The following HECW1 variants were observed in gnomAD, a reference collection of about 807,000 sequenced individuals.
The protein encoded by HECW1 is E3 ubiquitin-protein ligase HECW1.
Under a neutral mutation model 182.3 loss-of-function variants are expected in HECW1, and 61 were observed. The ratio of observed to expected loss-of-function variants is 0.33; its 90% CI spans 0.27 to 0.41. The LOEUF is 0.41. HECW1 is among the 10% of genes least tolerant of loss of function. The pLI, the probability that HECW1 is intolerant of heterozygous loss-of-function variation, is 1.00. For missense variants in HECW1, 1,739 were observed against 2,108.9 expected, an observed-to-expected ratio of 0.82 and a Z score of 3.44; for synonymous variants, 859 against 832.6, an observed-to-expected ratio of 1.03 and a Z score of -0.55.
intron 24 of HECW1, among the ~76,000 whole-genome samples, chr7:43,510,662 A>G (rs552085417): frequency 8.5e-5 from 13 of 152,268 alleles, no homozygotes; most frequent in African/African-American, 3.1e-4. Context: ...TTCAATCACA[A>G]GGGAAAAATA....
At chr7:43,144,113 G>A (rs140876647) in intron 2 of HECW1, among the ~76,000 whole-genome samples, 4 of 152,262 alleles carry the variant, frequency 2.6e-5, no homozygotes, top group African/African-American at 9.6e-5. Context: ...AGAGTTTCTC[G>A]GACGTTCCTT....
intron 9 of HECW1, among the ~76,000 whole-genome samples, chr7:43,442,119 T>G (rs1005025784): frequency 1.3e-5 from 2 of 152,268 alleles, no homozygotes; most frequent in Admixed American, 1.3e-4. Flanking sequence ...GATACTGTAC[T>G]CTACAGTAGA....
chr7:43,233,271 A>C (rs1798037393), intron 2 of HECW1, among the ~76,000 whole-genome samples: 1 of 152,208 alleles, frequency 6.6e-6, no homozygotes, highest in Non-Finnish European at 1.5e-5. Flanking sequence ...TCCTATCACC[A>C]ACTAACATAA....
chr7:43,300,768 G>A (rs1013925748), intron 3 of HECW1, among the ~76,000 whole-genome samples: 3 of 152,100 alleles, frequency 2.0e-5, no homozygotes, highest in Admixed American at 6.5e-5. Context: ...CCCAATGACT[G>A]GCACACTTAT....
rs552538116 is a variant in HECW1, at chr7:43,508,514, C to A, written c.3866+383C>A. 2.6e-5 allele frequency among the ~76,000 whole-genome samples: 4 copies of A among 152,312 alleles called. No individual in the cohort carries two copies. In the East Asian group the frequency reaches 7.7e-4, roughly 29 times the overall value. On this transcript the variant is annotated intron_variant, in intron 23 of 29. Transcript: ENST00000395891. ...GTGATTTCATGGGAAACCACCTCAA[C>A]CATGAAGGGCAAGCCCATGTAGGAA...
intron 2 of HECW1, among the ~76,000 whole-genome samples, chr7:43,213,565 C>A (rs1342694075): frequency 2.0e-5 from 3 of 151,516 alleles, no homozygotes; most frequent in Admixed American, 2.0e-4. Context: ...CCTGCCTCAG[C>A]CTCCTGAGTA....
chr7:43,392,472 T>C (rs2075071638), intron 6 of HECW1, among the ~76,000 whole-genome samples: 1 of 152,214 alleles, frequency 6.6e-6, no homozygotes. Flanking sequence ...ACCTTCCAAA[T>C]ACATGCTCAT....
intron 2 of HECW1, among the ~76,000 whole-genome samples, chr7:43,185,248 T>C (rs1793281431): frequency 6.6e-6 from 1 of 152,188 alleles, no homozygotes; most frequent in African/African-American, 2.4e-5. Context: ...CCACTCCCCA[T>C]GCCCCAGAGC....
intron 2 of HECW1, among the ~76,000 whole-genome samples, chr7:43,155,107 C>G (rs544245603): frequency 6.6e-6 from 1 of 152,314 alleles, no homozygotes; most frequent in East Asian, 1.9e-4. Flanking sequence ...GGAACATCCT[C>G]AAGTGGCTGG....
chr7:43,336,056 C>T (rs1213167950), intron 5 of HECW1, among the ~76,000 whole-genome samples: 1 of 128,580 alleles, frequency 7.8e-6, no homozygotes, highest in Non-Finnish European at 1.8e-5. Flanking sequence ...TTCCTTCCTT[C>T]CTCTCTCTTT....
intron 2 of HECW1, among the ~76,000 whole-genome samples, chr7:43,193,221 C>T (rs1739328324): frequency 6.6e-6 from 1 of 152,158 alleles, no homozygotes; most frequent in African/African-American, 2.4e-5. Context: ...GCATTTGTAG[C>T]CATCTTGGTT....
At chr7:43,557,252 AC>A (rs2082059019) in intron 29 of HECW1, among the ~76,000 whole-genome samples, 1 of 152,176 alleles carries the variant, frequency 6.6e-6, no homozygotes, top group African/African-American at 2.4e-5. Flanking sequence ...ACTGTGAGCC[AC>A]AGTGCATGTG....
Position 43,561,976 on chromosome 7 carries a change from C to T in HECW1, c.*50C>T. The T allele has an allele frequency of 1.9e-6, 2 of 1,032,020 alleles. No individual in the cohort carries two copies. Among genetic ancestry groups the T allele is most frequent in the Non-Finnish European group, 3.1e-6 (2 of 654,064 alleles). The allele number at this position is 1,032,020 out of a possible 1,614,324, so 63.9% of individuals were successfully genotyped here. On this transcript the variant is annotated 3_prime_UTR_variant, in exon 30 of 30. Transcript: ENST00000395891. ...TTCCTGGCCAGTGACATCACCCTTC[C>T]TGGGATGATCCCCTTTTCCCTTTCC...
chr7:43,525,747 G>T lies in HECW1; in HGVS notation c.4020-15416G>T, dbSNP rs200204580. On this transcript the variant is annotated intron_variant, in intron 24 of 29. Coordinates refer to ENST00000395891, the MANE Select transcript of HECW1 (RefSeq NM_015052.5). Reference sequence around the variant, plus strand: ...AGGAATATCATTGTGAACGATAAATGGGAATCACTATAGACCTCTAGGGAA... The same window carrying T: ...AGGAATATCATTGTGAACGATAAATTGGAATCACTATAGACCTCTAGGGAA... Among the ~76,000 whole-genome samples, 5 of 152,284 alleles carry T rather than the reference G, an allele frequency of 3.3e-5. No homozygotes were observed. The East Asian group carries it at 9.6e-4, about 29-fold the overall frequency.
At chr7:43,455,492 C>T (rs1434795353) in intron 12 of HECW1, among the ~76,000 whole-genome samples, 1 of 152,182 alleles carries the variant, frequency 6.6e-6, no homozygotes, top group Non-Finnish European at 1.5e-5. Context: ...CTCCACTGAA[C>T]CTAATCGCCC....
At chr7:43,140,070 A>T (rs547136530) in intron 2 of HECW1, among the ~76,000 whole-genome samples, 17 of 152,252 alleles carry the variant, frequency 1.1e-4, no homozygotes, top group Admixed American at 7.8e-4. Flanking sequence ...TTGTTTTGTC[A>T]TCTTTTTATT....
intron 5 of HECW1, among the ~76,000 whole-genome samples, chr7:43,351,358 G>A (rs1814418435): frequency 6.6e-6 from 1 of 152,166 alleles, no homozygotes; most frequent in African/African-American, 2.4e-5. Context: ...CCAGGAGGTG[G>A]CACTTTCCAG....
chr7:43,352,280 T>C (rs1163832737), intron 5 of HECW1, among the ~76,000 whole-genome samples: 2 of 152,242 alleles, frequency 1.3e-5, no homozygotes, highest in East Asian at 1.9e-4. Flanking sequence ...CAATGAATAA[T>C]ATTTTTATTG....
chr7:43,401,475 T>C (rs1251390721), intron 7 of HECW1, among the ~76,000 whole-genome samples: 2 of 151,716 alleles, frequency 1.3e-5, no homozygotes, highest in Non-Finnish European at 2.9e-5. Flanking sequence ...TGAAGATAAT[T>C]TTGAGTATTT....
Sources: allele counts gnomAD v4.1 joint callset (sites outside exome capture counted in the v4.1 genomes callset), GRCh38; gene constraint gnomAD v4.1.1; transcripts MANE v1.5; gene names NCBI Gene and HGNC (gene_info 2026-07-23, HGNC 2026-07-21).